Variants in UNC5D observed in about 807,000 individuals in gnomAD.
UNC5D encodes netrin receptor UNC5D.
UNC5D carries 39 observed loss-of-function variants against 105.4 expected under a neutral mutation model. That is an observed-to-expected ratio of 0.37 (90% CI 0.29 to 0.48). UNC5D has a LOEUF of 0.48. Among genes scored for constraint, UNC5D ranks in the 20% least tolerant of loss-of-function variants. The probability of loss-of-function intolerance (pLI) is 0.98; values close to 1 mark genes in which losing one functional copy is unlikely to be tolerated. For synonymous variants in UNC5D, 452 were observed against 450.4 expected (o/e 1.00, Z -0.04); for missense variants, 991 against 1,202.4 (o/e 0.82, Z 2.60).
chr8:35,306,819 G>A lies in UNC5D; in HGVS notation c.103+70932G>A, dbSNP rs75735582. On this transcript the variant is annotated intron_variant, in intron 1 of 16. Coordinates refer to ENST00000404895, the MANE Select transcript of UNC5D (RefSeq NM_080872.4). ...TTTCTATGCCTACATTTCCATTTCT[G>A]TTTGGAATAGTTCAAAATGGTTTAA... Among the ~76,000 whole-genome samples the A allele has an allele frequency of 3.9e-3, 594 of 152,110 alleles. 6 individuals carry two copies. The highest frequency in any genetic ancestry group is 0.013 in the African/African-American group (559 of 41,502).
At chr8:35,724,442 C>A in intron 9 of UNC5D, 2 of 877,876 alleles carry the variant, frequency 2.3e-6, no homozygotes, top group Non-Finnish European at 1.6e-6. Context: ...AAATAGAATG[C>A]CATACACAGA....
intron 1 of UNC5D, among the ~76,000 whole-genome samples, chr8:35,415,582 C>T (rs1390858391): frequency 6.6e-6 from 1 of 152,080 alleles, no homozygotes; most frequent in Non-Finnish European, 1.5e-5. Context: ...TAGCTCTATA[C>T]TTCTCTTACA....
intron 11 of UNC5D, among the ~76,000 whole-genome samples, chr8:35,732,905 C>G (rs1829274692): frequency 6.6e-6 from 1 of 152,100 alleles, no homozygotes; most frequent in Non-Finnish European, 1.5e-5. Flanking sequence ...CTCACAAGAG[C>G]CCAAAGACCT....
At chr8:35,755,837 G>A (rs1446867114) in intron 13 of UNC5D, among the ~76,000 whole-genome samples, 3 of 152,150 alleles carry the variant, frequency 2.0e-5, no homozygotes, top group Non-Finnish European at 4.4e-5. Context: ...TTGTCACATA[G>A]AAGGCAGACT....
intron 1 of UNC5D, among the ~76,000 whole-genome samples, chr8:35,306,233 G>A (rs78870577): frequency 2.6e-5 from 4 of 151,920 alleles, no homozygotes; most frequent in African/African-American, 4.8e-5. Flanking sequence ...GTGTGTGCGC[G>A]TGTGTGTGTC....
At position 35,795,232 on chromosome 8, in the gene UNC5D, A is replaced by T. The variant is rs1405517814; in HGVS notation, c.*4669A>T. The T allele has an allele frequency of 6.6e-6, 1 of 152,176 alleles. No individual in the cohort carries two copies. Among genetic ancestry groups the T allele is most frequent in the African/African-American group, 2.4e-5 (1 of 41,460 alleles). 9.4% of individuals were successfully genotyped at this position (152,176 alleles called of 1,614,324 possible). On this transcript the variant is annotated 3_prime_UTR_variant, in exon 17 of 17. Transcript: ENST00000404895. The stretch of plus-strand genomic sequence containing the variant: ...ATAGCTTTGAATTATAGACTATATT[A>T]CTAAATTTGGTAAGGTAGTTCTTTG...
intron 1 of UNC5D, among the ~76,000 whole-genome samples, chr8:35,313,769 G>A (rs754409819): frequency 1.5e-4 from 23 of 152,122 alleles, no homozygotes; most frequent in Non-Finnish European, 3.1e-4. Context: ...TTCATCATTT[G>A]TTACATGGAC....
Position 35,288,098 on chromosome 8 carries a change from T to C in UNC5D, c.103+52211T>C, listed in dbSNP as rs1014275196. 1.9e-4 allele frequency among the ~76,000 whole-genome samples: 11 copies of C among 59,030 alleles called. 1 individual carries two copies. The Admixed American group carries it at 2.5e-3, about 14-fold the overall frequency. The allele number at this position is 59,030 out of a possible 152,430, so 38.7% of individuals were successfully genotyped here. A position where few individuals can be genotyped will look rare whatever the true frequency, so the allele number is the denominator to read the frequency against. ...CCAAATCTGGAGACAGATAATCTCATGGAAGCTCAGAGGTTGCCAATCAAA... is the reference window on the plus strand; with the variant it reads ...CCAAATCTGGAGACAGATAATCTCACGGAAGCTCAGAGGTTGCCAATCAAA... On this transcript the variant is annotated intron_variant, in intron 1 of 16. Coordinates refer to ENST00000404895, the MANE Select transcript of UNC5D (RefSeq NM_080872.4).
intron 1 of UNC5D, among the ~76,000 whole-genome samples, chr8:35,252,636 C>T (rs920659239): frequency 6.6e-6 from 1 of 151,996 alleles, no homozygotes; most frequent in Non-Finnish European, 1.5e-5. Flanking sequence ...TGTGGCTATA[C>T]CATAATTTAG....
At chr8:35,530,195 C>T (rs1012082344) in intron 1 of UNC5D, among the ~76,000 whole-genome samples, 2 of 151,446 alleles carry the variant, frequency 1.3e-5, no homozygotes, top group Admixed American at 6.6e-5. Flanking sequence ...TCATAGATAG[C>T]TCTTATTATT....
At chr8:35,744,987 A>G (rs573256589) in intron 11 of UNC5D, among the ~76,000 whole-genome samples, 63 of 152,078 alleles carry the variant, frequency 4.1e-4, no homozygotes, top group Middle Eastern at 6.8e-3. Flanking sequence ...TAGGAGACGG[A>G]GGTTGCAGTG....
intron 2 of UNC5D, among the ~76,000 whole-genome samples, chr8:35,564,377 G>A (rs1360065635): frequency 6.6e-6 from 1 of 152,076 alleles, no homozygotes; most frequent in Non-Finnish European, 1.5e-5. Flanking sequence ...TGCAATATAG[G>A]AGCTCTGGAA....
At chr8:35,342,172 T>G (rs1213569832) in intron 1 of UNC5D, among the ~76,000 whole-genome samples, 1 of 152,080 alleles carries the variant, frequency 6.6e-6, no homozygotes, top group Non-Finnish European at 1.5e-5. Context: ...TTGTAAATAA[T>G]ATAAAACTCA....
At chr8:35,348,865 A>AT (rs1204413061) in intron 1 of UNC5D, among the ~76,000 whole-genome samples, 2 of 151,792 alleles carry the variant, frequency 1.3e-5, no homozygotes, top group African/African-American at 2.4e-5. Context: ...AACCCTAAAG[A>AT]TTTTTTCTTA....
chr8:35,576,939 G>A (rs1016030691), intron 3 of UNC5D, among the ~76,000 whole-genome samples: 10 of 152,042 alleles, frequency 6.6e-5, no homozygotes, highest in Non-Finnish European at 7.4e-5. Context: ...AACATTTGAC[G>A]TAATTTCAGA....
intron 16 of UNC5D, among the ~76,000 whole-genome samples, chr8:35,782,168 C>T (rs1802530733): frequency 6.6e-6 from 1 of 152,186 alleles, no homozygotes; most frequent in African/African-American, 2.4e-5. Context: ...TGTTTGTTGA[C>T]TACCCAGTGA....
chr8:35,739,712 T>G (rs148003537), intron 11 of UNC5D, among the ~76,000 whole-genome samples: 1 of 152,206 alleles, frequency 6.6e-6, no homozygotes, highest in South Asian at 2.1e-4. Flanking sequence ...TTATTTTTAT[T>G]TGTATGTGCC....
intron 1 of UNC5D, among the ~76,000 whole-genome samples, chr8:35,245,889 G>A (rs886543031): frequency 6.6e-6 from 1 of 152,046 alleles, no homozygotes; most frequent in Non-Finnish European, 1.5e-5. Context: ...TAATTTAAAT[G>A]GCATTAGTAA....
chr8:35,359,004 G>T (rs1801713967), intron 1 of UNC5D, among the ~76,000 whole-genome samples: 2 of 151,958 alleles, frequency 1.3e-5, no homozygotes, highest in Non-Finnish European at 2.9e-5. Context: ...ATAAACCTTG[G>T]GCCAGGCCTG....
Sources: allele counts gnomAD v4.1 joint callset (sites outside exome capture counted in the v4.1 genomes callset), GRCh38; gene constraint gnomAD v4.1.1; transcripts MANE v1.5; gene names NCBI Gene and HGNC (gene_info 2026-07-23, HGNC 2026-07-21).